The following TTC17 variants were observed in gnomAD, a reference collection of about 807,000 sequenced individuals.
The protein encoded by TTC17 is tetratricopeptide repeat protein 17.
In TTC17, 58 loss-of-function variants were observed where a neutral mutation model predicts 143.8. That is an observed-to-expected ratio of 0.40 (90% CI 0.33 to 0.50). TTC17 has a LOEUF of 0.50. Among genes scored for constraint, TTC17 ranks in the 20% least tolerant of loss-of-function variants. The pLI, the probability that TTC17 is intolerant of heterozygous loss-of-function variation, is 0.49. For missense variants in TTC17, 1,273 were observed against 1,392.5 expected, an observed-to-expected ratio of 0.91 and a Z score of 1.37; for synonymous variants, 501 against 497.8, an observed-to-expected ratio of 1.01 and a Z score of -0.09.
intron 1 of TTC17, among the ~76,000 whole-genome samples, chr11:43,371,586 G>A (rs1856570403): frequency 6.6e-6 from 1 of 152,168 alleles, no homozygotes; most frequent in Non-Finnish European, 1.5e-5. Flanking sequence ...AGTCCTTTTG[G>A]GGTTTTATGG....
chr11:43,379,457 AAT>A (rs1491566378), intron 2 of TTC17, 135 bp downstream of exon 2: 15 of 661,374 alleles, frequency 2.3e-5, no homozygotes, highest in African/African-American at 1.7e-4. Flanking sequence ...TACTACCTGC[AAT>A]GTGTGTGTGT....
intron 21 of TTC17, among the ~76,000 whole-genome samples, chr11:43,471,984 C>T (rs1200444738): frequency 2.0e-5 from 3 of 152,094 alleles, no homozygotes; most frequent in Non-Finnish European, 2.9e-5. Context: ...CTGACATTAT[C>T]AACTGGGTTT....
intron 5 of TTC17, among the ~76,000 whole-genome samples, chr11:43,393,425 G>T (rs531568544): frequency 1.3e-5 from 2 of 151,506 alleles, no homozygotes; most frequent in African/African-American, 4.9e-5. Context: ...GGGGGAAGGG[G>T]TGCACAGAGC....
At chr11:43,490,128 C>G in intron 21 of TTC17, 111 bp from the exon 22 acceptor site, 1 of 1,445,634 alleles carries the variant, frequency 6.9e-7, no homozygotes, top group Non-Finnish European at 9.3e-7. Context: ...AGTGCCAGCA[C>G]TTAGTAAATA....
intron 16 of TTC17, among the ~76,000 whole-genome samples, chr11:43,419,048 G>A (rs987050110): frequency 6.6e-6 from 1 of 151,890 alleles, no homozygotes; most frequent in Non-Finnish European, 1.5e-5. Context: ...AGAATTTTAT[G>A]CCACAAACAG....
chr11:43,416,012 G>A (rs1445471916), intron 16 of TTC17, among the ~76,000 whole-genome samples: 4 of 152,172 alleles, frequency 2.6e-5, no homozygotes, highest in African/African-American at 9.6e-5. Context: ...TTATATTTAT[G>A]GATACATAAT....
intron 18 of TTC17, among the ~76,000 whole-genome samples, chr11:43,447,145 A>C (rs1947561010): frequency 6.6e-6 from 1 of 152,162 alleles, no homozygotes; most frequent in Non-Finnish European, 1.5e-5. Flanking sequence ...GTATCATGCC[A>C]CGGCACTCTA....
intron 21 of TTC17, among the ~76,000 whole-genome samples, chr11:43,453,985 G>A (rs988117895): frequency 3.9e-5 from 6 of 152,124 alleles, no homozygotes; most frequent in Non-Finnish European, 5.9e-5. Context: ...GCTACAGCTC[G>A]CAAGAGTGTT....
Position 43,450,224 on chromosome 11 carries a change from GA to G in TTC17, c.2930del (p.Glu977GlyfsTer4). ...SNRASLHYTG[E>X]SQLTEVLQNL... ...CCGAGCCAGCCTGCACTACACAGGG[GA>G]GAGTCAGTTAACAGAGGTGAGTGCT... On this transcript the variant is annotated frameshift_variant, in exon 20 of 24. Transcript: ENST00000039989. LOFTEE classifies it high-confidence loss of function. The G allele has an allele frequency of 6.2e-7, 1 of 1,613,838 alleles. No individual in the cohort carries two copies. Among genetic ancestry groups the G allele is most frequent in the Non-Finnish European group, 8.5e-7 (1 of 1,179,886 alleles).
chr11:43,360,631 G>C (rs903910550), intron 1 of TTC17, among the ~76,000 whole-genome samples: 1 of 151,850 alleles, frequency 6.6e-6, no homozygotes, highest in Non-Finnish European at 1.5e-5. Flanking sequence ...AGCTGAAAAA[G>C]TAGCCCATCT....
chr11:43,405,478 C>A, intron 11 of TTC17, 36 bp from the exon 12 acceptor site: 1 of 1,512,800 alleles, frequency 6.6e-7, no homozygotes, highest in Non-Finnish European at 9.1e-7. Flanking sequence ...ATATTGAATC[C>A]AAAGAAATTT....
intron 21 of TTC17, among the ~76,000 whole-genome samples, chr11:43,459,188 A>G (rs1052000307): frequency 4.6e-5 from 7 of 152,226 alleles, no homozygotes; most frequent in Admixed American, 2.6e-4. Flanking sequence ...ACGATGTCAC[A>G]TGAATTGACT....
chr11:43,360,325 A>G (rs1338372392), intron 1 of TTC17, among the ~76,000 whole-genome samples: 4 of 152,240 alleles, frequency 2.6e-5, no homozygotes, highest in African/African-American at 9.6e-5. Context: ...ACATACATAA[A>G]GAACAGTTTC....
chr11:43,358,936 G>GC lies in TTC17; in HGVS notation c.-16dup. 1.3e-6 allele frequency: 2 copies of GC among 1,562,008 alleles called. No homozygotes were observed. The highest frequency in any genetic ancestry group is 2.3e-5 in the South Asian group (2 of 85,554). ...CTAGCTTCCGCTTCCGGTGTGAGCGGCCCGGCCGGGGGGGCAAGATGGCGG... is the reference window on the plus strand; with the variant it reads ...CTAGCTTCCGCTTCCGGTGTGAGCGGCCCCGGCCGGGGGGGCAAGATGGCGG... On this transcript the variant is annotated 5_prime_UTR_variant, in exon 1 of 24. Transcript: ENST00000039989.
chr11:43,401,430 T>C lies in TTC17; in HGVS notation c.1220-16T>C, dbSNP rs1857850379. ...GACCTTGCTCATCATTTGTGTAATT[T>C]CCTTTCTTATTCCAGGAAATCATCA... On this transcript the variant is annotated splice_polypyrimidine_tract_variant and intron_variant, in intron 9 of 23. Coordinates refer to ENST00000039989, the MANE Select transcript of TTC17 (RefSeq NM_018259.6). The C allele has an allele frequency of 1.3e-6, 2 of 1,574,170 alleles. No individual in the cohort carries two copies. Among genetic ancestry groups the C allele is most frequent in the Non-Finnish European group, 1.7e-6 (2 of 1,153,018 alleles).
intron 16 of TTC17, 139 bp downstream of exon 16, chr11:43,414,915 G>T (rs959758809): frequency 6.8e-6 from 6 of 880,046 alleles, no homozygotes; most frequent in Non-Finnish European, 1.0e-5. Context: ...CATAGGAAAA[G>T]ATGTTAATTC....
At chr11:43,492,252 C>T (rs1948487246) in intron 23 of TTC17, 89 bp downstream of exon 23, 1 of 1,475,894 alleles carries the variant, frequency 6.8e-7, no homozygotes, top group African/African-American at 1.4e-5. Context: ...TGTCATTGCC[C>T]ACCAATTTCC....
chr11:43,437,452 A>G (rs1303714092), intron 16 of TTC17, among the ~76,000 whole-genome samples: 5 of 152,220 alleles, frequency 3.3e-5, no homozygotes, highest in Non-Finnish European at 7.3e-5. Flanking sequence ...CATGTAATCA[A>G]TACAGAATTT....
At chr11:43,424,260 T>C (rs111646140) in intron 16 of TTC17, among the ~76,000 whole-genome samples, 13,495 of 151,666 alleles carry the variant, frequency 0.089, 892 homozygotes, top group Admixed American at 0.23. Context: ...GCCTGGCTAA[T>C]TTTTTGTATT....
Sources: gnomAD v4.1 joint callset for allele counts (sites outside exome capture counted in the v4.1 genomes callset) on GRCh38, gnomAD v4.1.1 for gene constraint, MANE v1.5 for transcripts, NCBI Gene and HGNC (gene_info 2026-07-23, HGNC 2026-07-21) for gene names.